The following DTWD2 variants were observed in gnomAD, a reference collection of about 807,000 sequenced individuals.
DTWD2 encodes tRNA-uridine aminocarboxypropyltransferase 2.
A neutral mutation model predicts 31.8 loss-of-function variants in DTWD2; 39 were observed. That is an observed-to-expected ratio of 1.22 (90% CI 0.95 to 1.60). The LOEUF is 1.60. Among genes scored for constraint, DTWD2 ranks in the 40% most tolerant of loss-of-function variants. The pLI, the probability that DTWD2 is intolerant of heterozygous loss-of-function variation, is 0.00. For synonymous variants in DTWD2, 180 were observed against 142.8 expected (o/e 1.26, Z -1.86); for missense variants, 515 against 381.5 (o/e 1.35, Z -2.92).
chr5:118,937,737 C>A (rs773850109), intron 3 of DTWD2, among the ~76,000 whole-genome samples: 5 of 152,200 alleles, frequency 3.3e-5, no homozygotes, highest in Non-Finnish European at 7.3e-5. Flanking sequence ...AAGGCATAAT[C>A]CCACAGGTCT....
rs77093091 is a variant in DTWD2, at chr5:118,853,196, T to C, written c.598-4978A>G. Among the ~76,000 whole-genome samples, 1,141 of 152,308 alleles carry C rather than the reference T, an allele frequency of 7.5e-3. 14 individuals are homozygous for C. The highest frequency in any genetic ancestry group is 0.026 in the African/African-American group (1,082 of 41,564). On this transcript the variant is annotated intron_variant, in intron 4 of 5. Transcript: ENST00000510708. ...TACCCATGCAACAAACCTGCACATA[T>C]ACCTCTTGATCTAAAATACAAGTTG...
chr5:118,900,664 C>T (rs948506118), intron 4 of DTWD2, among the ~76,000 whole-genome samples: 3 of 152,004 alleles, frequency 2.0e-5, no homozygotes, highest in Non-Finnish European at 2.9e-5. Context: ...GGGTGGCTCA[C>T]GCCTGTAATC....
intron 4 of DTWD2, among the ~76,000 whole-genome samples, chr5:118,851,310 C>T (rs531532722): frequency 4.6e-5 from 7 of 151,352 alleles, no homozygotes; most frequent in South Asian, 2.1e-4. Flanking sequence ...CCTTAAATGT[C>T]GGCTGGTCTG....
intron 4 of DTWD2, among the ~76,000 whole-genome samples, chr5:118,885,678 G>C (rs1561441339): frequency 6.6e-6 from 1 of 150,572 alleles, no homozygotes; most frequent in African/African-American, 2.4e-5. Context: ...GGGCAGGAGA[G>C]TTTCTTGAAC....
At chr5:118,950,091 T>A (rs1580431337) in intron 1 of DTWD2, among the ~76,000 whole-genome samples, 1 of 151,540 alleles carries the variant, frequency 6.6e-6, no homozygotes, top group African/African-American at 2.4e-5. Context: ...ACGCCTGTCA[T>A]CCCAGCTATT....
At chr5:118,944,503 G>T in intron 2 of DTWD2, 56 bp downstream of exon 2, 1 of 1,520,800 alleles carries the variant, frequency 6.6e-7, no homozygotes, top group Non-Finnish European at 9.1e-7. Flanking sequence ...TTATCTTCGT[G>T]TTTCCTCTTG....
chr5:118,910,713 T>C (rs1455395398), intron 4 of DTWD2, among the ~76,000 whole-genome samples: 1 of 152,174 alleles, frequency 6.6e-6, no homozygotes, highest in African/African-American at 2.4e-5. Context: ...TTCATCTCAG[T>C]CCATTCAAGC....
intron 4 of DTWD2, among the ~76,000 whole-genome samples, chr5:118,895,318 A>G (rs1753061708): frequency 6.6e-6 from 1 of 152,158 alleles, no homozygotes; most frequent in Non-Finnish European, 1.5e-5. Flanking sequence ...TTACAGATCT[A>G]TATAAGGAAA....
chr5:118,856,035 C>T (rs897872598), intron 4 of DTWD2, among the ~76,000 whole-genome samples: 2 of 152,144 alleles, frequency 1.3e-5, no homozygotes, highest in African/African-American at 4.8e-5. Flanking sequence ...AAATGACTGA[C>T]ACCGTCAGTA....
At chr5:118,923,307 G>A (rs772479407) in intron 4 of DTWD2, among the ~76,000 whole-genome samples, 1 of 152,148 alleles carries the variant, frequency 6.6e-6, no homozygotes, top group Non-Finnish European at 1.5e-5. Context: ...GCGCCAGAGC[G>A]AGGCCATTTC....
At chr5:118,971,204 G>C (rs1456519476) in intron 1 of DTWD2, among the ~76,000 whole-genome samples, 1 of 152,146 alleles carries the variant, frequency 6.6e-6, no homozygotes, top group Non-Finnish European at 1.5e-5. Flanking sequence ...GCTGGATAGA[G>C]TCAAGATCCA....
intron 4 of DTWD2, among the ~76,000 whole-genome samples, chr5:118,896,179 G>A (rs918262387): frequency 5.3e-5 from 8 of 152,056 alleles, no homozygotes; most frequent in Middle Eastern, 3.2e-3. Context: ...TCATAAAGGC[G>A]GCTCCAAGGG....
intron 1 of DTWD2, among the ~76,000 whole-genome samples, chr5:118,959,620 G>C (rs1367215489): frequency 2.0e-5 from 3 of 152,008 alleles, no homozygotes; most frequent in Admixed American, 6.6e-5. Context: ...AATTCATATG[G>C]AACCAAAAAA....
intron 1 of DTWD2, among the ~76,000 whole-genome samples, chr5:118,966,791 A>T (rs936936562): frequency 6.6e-6 from 1 of 152,132 alleles, no homozygotes; most frequent in African/African-American, 2.4e-5. Context: ...GCACTTTGAG[A>T]GGCTGAGGTG....
rs1341114570 is a variant in DTWD2, at chr5:118,875,388, A to C, written c.598-27170T>G. The stretch of plus-strand genomic sequence containing the variant: ...TAAATGTAAATGGGCTAAATGCCCC[A>C]ATAAAAAGACACAGCATGGCAACCT... On this transcript the variant is annotated intron_variant, in intron 4 of 5. Coordinates refer to ENST00000510708, the MANE Select transcript of DTWD2 (RefSeq NM_173666.4). 6.6e-5 allele frequency among the ~76,000 whole-genome samples: 10 copies of C among 152,302 alleles called. No homozygotes were observed. In the East Asian group the frequency reaches 1.9e-3, roughly 29 times the overall value.
intron 4 of DTWD2, among the ~76,000 whole-genome samples, chr5:118,854,324 T>C (rs1218044786): frequency 2.0e-5 from 3 of 152,058 alleles, no homozygotes; most frequent in African/African-American, 7.2e-5. Flanking sequence ...AACTGTAATC[T>C]TTTTTTAATA....
intron 1 of DTWD2, among the ~76,000 whole-genome samples, chr5:118,978,396 G>T (rs1030066583): frequency 6.6e-6 from 1 of 152,122 alleles, no homozygotes; most frequent in South Asian, 2.1e-4. Flanking sequence ...TTAAACTAAA[G>T]ATCTCTGCAC....
At chr5:118,926,172 G>T (rs1411358902) in intron 4 of DTWD2, among the ~76,000 whole-genome samples, 1 of 152,118 alleles carries the variant, frequency 6.6e-6, no homozygotes, top group East Asian at 1.9e-4. Flanking sequence ...CCAATGAGTG[G>T]ACAAAGAAAA....
chr5:118,974,804 T>C, intron 1 of DTWD2: 1 of 388,968 alleles, frequency 2.6e-6, no homozygotes, highest in African/African-American at 2.1e-5. Flanking sequence ...GCTGAGTTGT[T>C]CTAACAAAAA....
Sources: gnomAD v4.1 joint callset for allele counts (sites outside exome capture counted in the v4.1 genomes callset) on GRCh38, gnomAD v4.1.1 for gene constraint, MANE v1.5 for transcripts, NCBI Gene and HGNC (gene_info 2026-07-23, HGNC 2026-07-21) for gene names.